NRXN3: variants seen among roughly 807,000 people sequenced by gnomAD.
NRXN3 encodes neurexin 3.
Under a neutral mutation model 137.6 loss-of-function variants are expected in NRXN3, and 32 were observed. That is an observed-to-expected ratio of 0.23 (90% CI 0.18 to 0.31). The LOEUF (loss-of-function observed/expected upper bound fraction) is 0.31, where lower values mean the gene tolerates loss of function less well. Ranked by LOEUF, NRXN3 falls within the 10% of genes least tolerant of loss-of-function variation. The pLI, the probability that NRXN3 is intolerant of heterozygous loss-of-function variation, is 1.00. For missense variants in NRXN3, 1,574 were observed against 2,062.5 expected (o/e 0.76, Z 4.59); for synonymous variants, 798 against 784.5 (o/e 1.02, Z -0.29).
chr14:79,777,980 C>T (rs546284425), intron 19 of NRXN3, among the ~76,000 whole-genome samples: 11 of 152,040 alleles, frequency 7.2e-5, no homozygotes, highest in African/African-American at 2.7e-4. Flanking sequence ...TATCCCAGAT[C>T]TAGGCTTTTC....
At chr14:78,228,196 C>T (rs200780661) in intron 1 of NRXN3, among the ~76,000 whole-genome samples, 12 of 142,580 alleles carry the variant, frequency 8.4e-5, no homozygotes, top group Non-Finnish European at 1.5e-4. Flanking sequence ...CTCACTCTGT[C>T]GCCCAGGCTG....
intron 3 of NRXN3, among the ~76,000 whole-genome samples, chr14:78,295,664 C>A (rs1329890198): frequency 6.6e-6 from 1 of 152,148 alleles, no homozygotes; most frequent in African/African-American, 2.4e-5. Flanking sequence ...ATCTGGCCCC[C>A]ACTCCTTCCC....
intron 15 of NRXN3, among the ~76,000 whole-genome samples, chr14:79,084,316 C>T (rs2047654474): frequency 6.6e-6 from 1 of 151,976 alleles, no homozygotes; most frequent in South Asian, 2.1e-4. Flanking sequence ...AACTATACAC[C>T]AGAAGGAAAA....
chr14:78,381,139 A>T (rs112756107), intron 4 of NRXN3, among the ~76,000 whole-genome samples: 12 of 152,196 alleles, frequency 7.9e-5, no homozygotes, highest in Non-Finnish European at 1.8e-4. Flanking sequence ...ACTACTTATT[A>T]AAAAATTAGC....
intron 15 of NRXN3, among the ~76,000 whole-genome samples, chr14:78,993,664 A>G (rs1204670894): frequency 6.6e-6 from 1 of 152,064 alleles, no homozygotes; most frequent in South Asian, 2.1e-4. Flanking sequence ...TTTGTTCTCA[A>G]AGACCTTCTA....
At chr14:79,136,179 C>T (rs1298179049) in intron 15 of NRXN3, among the ~76,000 whole-genome samples, 1 of 152,106 alleles carries the variant, frequency 6.6e-6, no homozygotes, top group Non-Finnish European at 1.5e-5. Flanking sequence ...AGGTTGGTGC[C>T]TATGGTTATG....
chr14:79,066,385 A>G (rs1159190310), intron 15 of NRXN3, among the ~76,000 whole-genome samples: 2 of 152,154 alleles, frequency 1.3e-5, no homozygotes, highest in East Asian at 3.9e-4. Flanking sequence ...TGTTTTGGTT[A>G]CTGTAGCCTT....
At chr14:78,894,834 T>C (rs1219946529) in intron 10 of NRXN3, among the ~76,000 whole-genome samples, 1 of 150,608 alleles carries the variant, frequency 6.6e-6, no homozygotes, top group African/African-American at 2.4e-5. Flanking sequence ...TGTACTCCCA[T>C]CAAAGTTCTG....
At position 78,243,068 on chromosome 14, in the gene NRXN3, C is replaced by A; in HGVS notation, c.-26C>A. The A allele has an allele frequency of 6.8e-7, 1 of 1,475,874 alleles. No individual in the cohort carries two copies. Among genetic ancestry groups the A allele is most frequent in the South Asian group, 1.4e-5 (1 of 73,796 alleles). 91.4% of individuals were successfully genotyped at this position (1,475,874 alleles called of 1,614,324 possible). A position where few individuals can be genotyped will look rare whatever the true frequency, so the allele number is the denominator to read the frequency against. ...GGGCTGTTCCCTGGCCTGTCTGCTC[C>A]TCCGGGCTCTGTCCCAGCAGCGACA... is the stretch of plus-strand genomic sequence containing the variant. On this transcript the variant is annotated 5_prime_UTR_variant, in exon 2 of 21. Coordinates refer to ENST00000335750, the MANE Select transcript of NRXN3 (RefSeq NM_001330195.2). This position sits in a 1 kb window ranked among gnomAD's most constrained non-coding sequence, Gnocchi z 4.2.
intron 9 of NRXN3, among the ~76,000 whole-genome samples, chr14:78,809,134 G>A (rs2098895114): frequency 6.6e-6 from 1 of 151,936 alleles, no homozygotes; most frequent in African/African-American, 2.4e-5. Context: ...TTCTACTCAA[G>A]GACTTCTATG....
intron 16 of NRXN3, among the ~76,000 whole-genome samples, chr14:79,650,155 C>T (rs566233929): frequency 1.3e-5 from 2 of 152,270 alleles, no homozygotes; most frequent in African/African-American, 2.4e-5. Flanking sequence ...AACCTCCACA[C>T]ATCTAGCGTC....
chr14:78,321,813 T>C (rs957029838), intron 4 of NRXN3, among the ~76,000 whole-genome samples: 1 of 152,042 alleles, frequency 6.6e-6, no homozygotes, highest in Non-Finnish European at 1.5e-5. Context: ...ACATTGCTGG[T>C]TTCCCCTTCC....
At chr14:78,579,670 C>T (rs1355715419) in intron 4 of NRXN3, among the ~76,000 whole-genome samples, 1 of 152,138 alleles carries the variant, frequency 6.6e-6, no homozygotes, top group Admixed American at 6.6e-5. Context: ...GAATCAAGTG[C>T]AAGTCTGTGG....
intron 2 of NRXN3, among the ~76,000 whole-genome samples, chr14:78,272,238 G>A (rs1345207418): frequency 6.6e-6 from 1 of 152,108 alleles, no homozygotes. Context: ...CCTCATGCAC[G>A]TTTATGTGAC....
At chr14:79,631,301 G>C (rs111529789) in intron 16 of NRXN3, among the ~76,000 whole-genome samples, 1 of 152,268 alleles carries the variant, frequency 6.6e-6, no homozygotes, top group African/African-American at 2.4e-5. Context: ...AGGTGACAAC[G>C]TGCTAGCAGC....
intron 16 of NRXN3, among the ~76,000 whole-genome samples, chr14:79,511,906 CTTG>C (rs1332828081): frequency 6.6e-6 from 1 of 152,094 alleles, no homozygotes; most frequent in African/African-American, 2.4e-5. Context: ...TGTTGTTGTT[CTTG>C]TTGTTGTTTG....
chr14:78,535,831 C>A (rs2096530423), intron 4 of NRXN3, among the ~76,000 whole-genome samples: 1 of 152,124 alleles, frequency 6.6e-6, no homozygotes, highest in Non-Finnish European at 1.5e-5. Flanking sequence ...AAGAAAATGT[C>A]TATGTAAGTG....
chr14:79,481,046 A>G (rs1467597223), intron 16 of NRXN3, among the ~76,000 whole-genome samples: 2 of 151,912 alleles, frequency 1.3e-5, no homozygotes, highest in African/African-American at 2.4e-5. Context: ...TCTCTTAACC[A>G]CCTCCTACTG....
chr14:79,482,527 G>C (rs1041692660), intron 16 of NRXN3, among the ~76,000 whole-genome samples: 1 of 152,046 alleles, frequency 6.6e-6, no homozygotes, highest in African/African-American at 2.4e-5. Context: ...CAAAAAAATA[G>C]CATCTTCACC....
Sources: gnomAD v4.1 joint callset for allele counts (sites outside exome capture counted in the v4.1 genomes callset) on GRCh38, gnomAD v4.1.1 for gene constraint, Gnocchi (gnomAD v3.1) non-coding constraint, MANE v1.5 for transcripts, NCBI Gene and HGNC (gene_info 2026-07-23, HGNC 2026-07-21) for gene names.